Variants in CSMD1 observed in about 807,000 individuals in gnomAD.
The protein encoded by CSMD1 is CUB and Sushi multiple domains 1.
In CSMD1, 213 loss-of-function variants were observed where a neutral mutation model predicts 417.5. The observed-to-expected ratio is 0.51, with a 90% confidence interval of 0.46 to 0.57. The LOEUF (loss-of-function observed/expected upper bound fraction) is 0.57, where lower values mean the gene tolerates loss of function less well. Ranked by LOEUF, CSMD1 falls within the 20% of genes least tolerant of loss-of-function variation. CSMD1 has a pLI of 0.00. For missense variants in CSMD1, 6,923 were observed against 4,529.7 expected, an observed-to-expected ratio of 1.53 and a Z score of -15.17; for synonymous variants, 2,862 against 1,736.8, an observed-to-expected ratio of 1.65 and a Z score of -16.11.
intron 4 of CSMD1, among the ~76,000 whole-genome samples, chr8:4,019,343 G>A (rs1796674249): frequency 2.0e-5 from 3 of 152,128 alleles, no homozygotes; most frequent in Admixed American, 1.3e-4. Flanking sequence ...TATCTGGGAG[G>A]GAGAGTTTTG....
chr8:3,635,061 G>C (rs1035855245), intron 7 of CSMD1, among the ~76,000 whole-genome samples: 1 of 151,884 alleles, frequency 6.6e-6, no homozygotes, highest in Non-Finnish European at 1.5e-5. Flanking sequence ...AAAAAAAAAT[G>C]GGATGCCTAT....
intron 2 of CSMD1, among the ~76,000 whole-genome samples, chr8:4,521,901 G>A (rs1415293039): frequency 6.6e-6 from 1 of 152,198 alleles, no homozygotes; most frequent in Admixed American, 6.5e-5. Context: ...GCACGCCATG[G>A]CAGGCACACC....
At chr8:3,279,417 G>T (rs1160385137) in intron 26 of CSMD1, among the ~76,000 whole-genome samples, 2 of 152,282 alleles carry the variant, frequency 1.3e-5, no homozygotes, top group Non-Finnish European at 2.9e-5. Flanking sequence ...TTAGGAAAAT[G>T]ACTTTTATTT....
At chr8:4,388,311 C>T (rs1803606752) in intron 3 of CSMD1, among the ~76,000 whole-genome samples, 1 of 108,790 alleles carries the variant, frequency 9.2e-6, no homozygotes, top group Admixed American at 9.1e-5. Flanking sequence ...GATACACACA[C>T]ACACACACAG....
intron 23 of CSMD1, among the ~76,000 whole-genome samples, chr8:3,309,277 T>G (rs1805138849): frequency 6.6e-6 from 1 of 151,832 alleles, no homozygotes; most frequent in African/African-American, 2.4e-5. Context: ...CCGCCCACCT[T>G]CCCGACAACT....
rs558759925 is a variant in CSMD1 at position 3,894,355 on chromosome 8, A to G, written c.818+103548T>C. 2.3e-3 allele frequency among the ~76,000 whole-genome samples: 357 copies of G among 152,274 alleles called. 2 individuals carry two copies. Among genetic ancestry groups the G allele is most frequent in the Non-Finnish European group, 2.7e-3 (185 of 68,032 alleles). Reference sequence around the variant, plus strand: ...CTGGATTTTTTCTATCACGAGGATTAAATGGGTGTTGCAACTCAAGGGGAG... The same window carrying G: ...CTGGATTTTTTCTATCACGAGGATTGAATGGGTGTTGCAACTCAAGGGGAG... On this transcript the variant is annotated intron_variant, in intron 5 of 69. Transcript: ENST00000635120.
intron 5 of CSMD1, among the ~76,000 whole-genome samples, chr8:3,768,691 G>A (rs376776017): frequency 6.6e-6 from 1 of 152,304 alleles, no homozygotes; most frequent in South Asian, 2.1e-4. Flanking sequence ...CTCCTTTCCA[G>A]CCAGTCTAGC....
chr8:4,196,348 TAC>T (rs1247512993), intron 3 of CSMD1, among the ~76,000 whole-genome samples: 3 of 152,226 alleles, frequency 2.0e-5, no homozygotes, highest in African/African-American at 7.2e-5. Context: ...CTTAAGAGAA[TAC>T]AGTCTTACTT....
At chr8:4,276,571 C>G (rs1224538074) in intron 3 of CSMD1, among the ~76,000 whole-genome samples, 1 of 151,994 alleles carries the variant, frequency 6.6e-6, no homozygotes, top group Non-Finnish European at 1.5e-5. Flanking sequence ...TGCACATGTA[C>G]CCCAGAACTT....
intron 7 of CSMD1, among the ~76,000 whole-genome samples, chr8:3,643,617 C>T (rs906413097): frequency 1.4e-5 from 2 of 145,418 alleles, no homozygotes; most frequent in Non-Finnish European, 1.5e-5. Context: ...AGGAGAATGG[C>T]GTGAACCCGG....
chr8:3,961,057 T>G (rs1812291807), intron 5 of CSMD1, among the ~76,000 whole-genome samples: 1 of 152,054 alleles, frequency 6.6e-6, no homozygotes, highest in African/African-American at 2.4e-5. Context: ...AATTCAGAAA[T>G]CAAACAAAAT....
At position 3,459,515 on chromosome 8, in the gene CSMD1, G is replaced by T. The variant is rs1051677078; in HGVS notation, c.1561+9197C>A. Among the ~76,000 whole-genome samples the T allele has an allele frequency of 5.3e-5, 8 of 152,152 alleles. No individual in the cohort carries two copies. The South Asian group carries it at 1.7e-3, about 32-fold the overall frequency. The stretch of plus-strand genomic sequence containing the variant: ...CACGCATGCGGCAGTCGGAGACACG[G>T]ATGAGAGCAGAGAACATGATAAATG... On this transcript the variant is annotated intron_variant, in intron 12 of 69. Transcript: ENST00000635120.
intron 7 of CSMD1, among the ~76,000 whole-genome samples, chr8:3,697,180 G>T (rs761074547): frequency 3.3e-5 from 5 of 152,104 alleles, no homozygotes; most frequent in Non-Finnish European, 5.9e-5. Context: ...CATTCAGTGA[G>T]GCTAAATTAT....
At chr8:4,007,411 A>C (rs1475142819) in intron 4 of CSMD1, among the ~76,000 whole-genome samples, 2 of 152,164 alleles carry the variant, frequency 1.3e-5, no homozygotes, top group Non-Finnish European at 2.9e-5. Flanking sequence ...TCCTGCCCTA[A>C]GGCCTTTGCA....
intron 1 of CSMD1, among the ~76,000 whole-genome samples, chr8:4,810,360 T>C (rs1169548417): frequency 6.6e-6 from 1 of 152,248 alleles, no homozygotes; most frequent in Non-Finnish European, 1.5e-5. Flanking sequence ...TTTTTGTTTT[T>C]GACTTTTGAT....
chr8:4,359,651 A>G (rs955134251), intron 3 of CSMD1, among the ~76,000 whole-genome samples: 1 of 152,128 alleles, frequency 6.6e-6, no homozygotes, highest in Non-Finnish European at 1.5e-5. Flanking sequence ...CCCCTTGCAA[A>G]TGTGTGTGGT....
intron 1 of CSMD1, among the ~76,000 whole-genome samples, chr8:4,937,372 T>G (rs1004402364): frequency 3.9e-5 from 6 of 152,214 alleles, no homozygotes; most frequent in African/African-American, 9.6e-5. Context: ...TGGGACTTGA[T>G]GTAGTGTATT....
rs538708079 is a variant in CSMD1, at chr8:4,296,118, C to G, written c.415+123835G>C. Among the ~76,000 whole-genome samples, 4 of 152,014 alleles carry G rather than the reference C, an allele frequency of 2.6e-5. 1 individual carries two copies. The highest frequency in any genetic ancestry group is 6.6e-5 in the Admixed American group (1 of 15,228). ...TCTTTGCAAGGAGAGAAATCTTAAT[C>G]AAAACCACAATAAGAAGCGAAAATG... On this transcript the variant is annotated intron_variant, in intron 3 of 69. Coordinates refer to ENST00000635120, the MANE Select transcript of CSMD1 (RefSeq NM_033225.6).
At chr8:3,095,137 A>G (rs901510708) in intron 47 of CSMD1, among the ~76,000 whole-genome samples, 1 of 152,208 alleles carries the variant, frequency 6.6e-6, no homozygotes, top group African/African-American at 2.4e-5. Context: ...CATGGCCAGT[A>G]TATTTCAATT....
Sources: gnomAD v4.1 joint callset for allele counts (sites outside exome capture counted in the v4.1 genomes callset) on GRCh38, gnomAD v4.1.1 for gene constraint, MANE v1.5 for transcripts, NCBI Gene and HGNC (gene_info 2026-07-23, HGNC 2026-07-21) for gene names.